DNAH6: variants seen among roughly 807,000 people sequenced by gnomAD.
DNAH6 encodes the protein axonemal beta dynein heavy chain 6.
DNAH6 carries 340 observed loss-of-function variants against 491.4 expected under a neutral mutation model. The observed-to-expected ratio is 0.69, with a 90% CI of 0.63 to 0.76. The LOEUF is 0.76. Among genes scored for constraint, DNAH6 ranks in the 30% least tolerant of loss-of-function variants. The probability of loss-of-function intolerance (pLI) is 0.00; values close to 1 mark genes in which losing one functional copy is unlikely to be tolerated. For synonymous variants in DNAH6, 1,603 were observed against 1,686.1 expected, an observed-to-expected ratio of 0.95 and a Z score of 1.21; for missense variants, 4,443 against 4,972.2, an observed-to-expected ratio of 0.89 and a Z score of 3.20.
Position 84,701,273 on chromosome 2 carries a change from C to A in DNAH6, c.7995C>A (p.Thr2665=). 1 of 1,551,916 alleles carries A rather than the reference C, an allele frequency of 6.4e-7. No homozygotes were observed. Among genetic ancestry groups the A allele is most frequent in the Non-Finnish European group, 8.7e-7 (1 of 1,147,036 alleles). The part of the protein sequence containing the change: ...ELRRRYYTTP[T]SYLELINLYL... ...GCAGGCGGTACTACACGACACCCAC[C>A]TCCTACCTGGAGCTTATCAATCTTT... Residue 2665 remains threonine (T), a synonymous_variant, in exon 49 of 77, where the codon ACC becomes ACA. Coordinates refer to ENST00000389394, the MANE Select transcript of DNAH6 (RefSeq NM_001370.2).
chr2:84,466,049 T>G, the DNAH6 span, among the ~76,000 whole-genome samples: 147,033 of 152,320 alleles, frequency 0.97, 71,012 homozygotes, highest in East Asian at 1. Flanking sequence ...CCATAGGTTT[T>G]TATCCTCAAA....
intron 37 of DNAH6, among the ~76,000 whole-genome samples, chr2:84,664,374 C>G (rs1424122974): frequency 6.6e-6 from 1 of 151,850 alleles, no homozygotes; most frequent in Non-Finnish European, 1.5e-5. Flanking sequence ...CAAAGACACA[C>G]ATAGGCTCAA....
chr2:84,611,999 A>C, intron 22 of DNAH6, 145 bp downstream of exon 22: 1 of 625,654 alleles, frequency 1.6e-6, no homozygotes, highest in Non-Finnish European at 2.6e-6. Context: ...GATGACTAGG[A>C]ATCCTTGCAT....
chr2:84,553,361 T>C (rs1311176982), intron 10 of DNAH6, among the ~76,000 whole-genome samples: 1 of 9,108 alleles, frequency 1.1e-4, no homozygotes, highest in East Asian at 2.1e-3. Context: ...TTTCTTTTCT[T>C]TTCTTTTCTT....
At chr2:84,661,523 G>C (rs949711948) in intron 37 of DNAH6, among the ~76,000 whole-genome samples, 4 of 152,060 alleles carry the variant, frequency 2.6e-5, no homozygotes, top group Non-Finnish European at 5.9e-5. Flanking sequence ...GTTAACAAAT[G>C]AAAATTTGAA....
At chr2:84,771,441 G>A (rs1311541181) in intron 64 of DNAH6, among the ~76,000 whole-genome samples, 1 of 151,996 alleles carries the variant, frequency 6.6e-6, no homozygotes, top group Non-Finnish European at 1.5e-5. Context: ...TTCCCAAATT[G>A]ATGAAAGGTA....
chr2:84,515,830 G>T (rs911910536), upstream of DNAH6, among the ~76,000 whole-genome samples: 13 of 152,146 alleles, frequency 8.5e-5, no homozygotes, highest in Non-Finnish European at 1.8e-4. Context: ...GAGATTAAAC[G>T]CCAGAATAAG....
At chr2:84,626,137 G>A (rs1397027698) in intron 29 of DNAH6, among the ~76,000 whole-genome samples, 3 of 151,884 alleles carry the variant, frequency 2.0e-5, no homozygotes, top group Non-Finnish European at 4.4e-5. Context: ...TGGATTTGCA[G>A]GGATCCTTGT....
At chr2:84,697,860 C>A in intron 47 of DNAH6, 133 bp downstream of exon 47, 3 of 943,178 alleles carry the variant, frequency 3.2e-6, no homozygotes, top group Non-Finnish European at 4.8e-6. Context: ...CCTTTGTATT[C>A]GATGTATTTT....
chr2:84,636,729 A>G (rs570866861), intron 30 of DNAH6, among the ~76,000 whole-genome samples: 108 of 152,150 alleles, frequency 7.1e-4, no homozygotes, highest in African/African-American at 2.4e-3. Flanking sequence ...GTTTAAGATG[A>G]ATTTACAATT....
At chr2:84,806,477 G>A (rs184748690) in intron 71 of DNAH6, among the ~76,000 whole-genome samples, 1 of 152,070 alleles carries the variant, frequency 6.6e-6, no homozygotes, top group East Asian at 1.9e-4. Flanking sequence ...AAATTAGCCG[G>A]GCGTGGTGGC....
At chr2:84,711,545 C>T (rs540750910) in intron 56 of DNAH6, among the ~76,000 whole-genome samples, 1 of 152,352 alleles carries the variant, frequency 6.6e-6, no homozygotes, top group South Asian at 2.1e-4. Context: ...TGCATGTTCA[C>T]TCCATGCCAG....
rs115717432 is a variant in DNAH6, at chr2:84,609,726, C to T, written c.3295-1948C>T. ...AATATTTTTAATATTGCAAGAATTA[C>T]CAAAGACAATTGGTAATTGTAATAA... On this transcript the variant is annotated intron_variant, in intron 21 of 76. Coordinates refer to ENST00000389394, the MANE Select transcript of DNAH6 (RefSeq NM_001370.2). Among the ~76,000 whole-genome samples, 252 of 151,754 alleles carry T rather than the reference C, an allele frequency of 1.7e-3. 1 individual carries two copies. In the East Asian group the frequency reaches 0.021, roughly 13 times the overall value.
At chr2:84,722,584 G>C in intron 59 of DNAH6, 41 bp from the exon 60 acceptor site, 1 of 1,477,364 alleles carries the variant, frequency 6.8e-7, no homozygotes, top group Non-Finnish European at 9.1e-7. Context: ...CTATTTTTCT[G>C]GAACAGATCC....
At chr2:84,462,137 G>C in the DNAH6 span, among the ~76,000 whole-genome samples, 1 of 152,318 alleles carries the variant, frequency 6.6e-6, no homozygotes, top group East Asian at 1.9e-4. Flanking sequence ...GAAATTCCTG[G>C]TGGATAAAGG....
intron 33 of DNAH6, among the ~76,000 whole-genome samples, chr2:84,648,891 C>A (rs1690146721): frequency 6.6e-6 from 1 of 152,156 alleles, no homozygotes; most frequent in African/African-American, 2.4e-5. Flanking sequence ...AAAATGCTAT[C>A]AAACAGCATC....
chr2:84,640,387 T>C lies in DNAH6; in HGVS notation c.4822-43T>C, dbSNP rs532803829. 7 of 1,234,374 alleles carry C rather than the reference T, an allele frequency of 5.7e-6. No individual in the cohort carries two copies. In the East Asian group the frequency reaches 1.0e-4, roughly 18 times the overall value. 76.5% of individuals were successfully genotyped at this position (1,234,374 alleles called of 1,614,324 possible). A position where few individuals can be genotyped will look rare whatever the true frequency, so the allele number is the denominator to read the frequency against. ...TTGGTATCATGCTAATACATTGTTA[T>C]CAATACAATATAATAAGCATTGCAT... is the stretch of plus-strand genomic sequence containing the variant. On this transcript the variant is annotated intron_variant, in intron 31 of 76. Transcript: ENST00000389394.
chr2:84,552,769 C>T, intron 9 of DNAH6, 149 bp from the exon 10 acceptor site: 1 of 435,168 alleles, frequency 2.3e-6, no homozygotes. Flanking sequence ...TCTTTCTGTT[C>T]TTTATTATTC....
chr2:84,493,827 G>A, the DNAH6 span, among the ~76,000 whole-genome samples: 10 of 152,168 alleles, frequency 6.6e-5, no homozygotes, highest in African/African-American at 2.4e-5. Flanking sequence ...GTGAGATGCT[G>A]ATATCAAATA....
Sources: gnomAD v4.1 joint callset for allele counts (sites outside exome capture counted in the v4.1 genomes callset) on GRCh38, gnomAD v4.1.1 for gene constraint, MANE v1.5 for transcripts, NCBI Gene and HGNC (gene_info 2026-07-23, HGNC 2026-07-21) for gene names.